ELMOD2: variants seen among roughly 807,000 people sequenced by gnomAD.
ELMOD2 encodes ELMO domain containing 2, also known as ELMO domain-containing protein 2.
A neutral mutation model predicts 41.0 loss-of-function variants in ELMOD2; 28 were observed. The ratio of observed to expected loss-of-function variants is 0.68; its 90% CI spans 0.51 to 0.94. ELMOD2 has a LOEUF of 0.94. Among genes scored for constraint, ELMOD2 ranks in the 40% least tolerant of loss-of-function variants. The probability of loss-of-function intolerance (pLI) is 0.00; values close to 1 mark genes in which losing one functional copy is unlikely to be tolerated. For missense variants in ELMOD2, 333 were observed against 343.1 expected, an observed-to-expected ratio of 0.97 and a Z score of 0.23; for synonymous variants, 106 against 107.2, an observed-to-expected ratio of 0.99 and a Z score of 0.07.
chr4:140,532,842 A>G (rs1017238726), intron 3 of ELMOD2, among the ~76,000 whole-genome samples: 1 of 152,242 alleles, frequency 6.6e-6, no homozygotes, highest in African/African-American at 2.4e-5. Context: ...TTAACAGATG[A>G]CGTACTTTGT....
chr4:140,524,455 A>C (rs1734484219), intron 1 of ELMOD2, 175 bp downstream of exon 1: 1 of 349,320 alleles, frequency 2.9e-6, no homozygotes, highest in South Asian at 1.2e-4. Flanking sequence ...GGGTCGGCGC[A>C]GAGACGCCCA....
At chr4:140,536,123 T>C (rs1378024039) in intron 4 of ELMOD2, among the ~76,000 whole-genome samples, 1 of 152,208 alleles carries the variant, frequency 6.6e-6, no homozygotes, top group Non-Finnish European at 1.5e-5. Context: ...ACTATGTCTT[T>C]TGAAATACAG....
At chr4:140,549,766 G>GC (rs1304628072) in intron 8 of ELMOD2, among the ~76,000 whole-genome samples, 1 of 122,304 alleles carries the variant, frequency 8.2e-6, no homozygotes, top group Non-Finnish European at 1.6e-5. Context: ...GCTCACTGAA[G>GC]CCCTGACCTC....
intron 3 of ELMOD2, among the ~76,000 whole-genome samples, chr4:140,530,460 GTGTT>G (rs1230933141): frequency 1.3e-5 from 2 of 152,164 alleles, no homozygotes; most frequent in Non-Finnish European, 2.9e-5. Flanking sequence ...GTAGACTAGA[GTGTT>G]TGGGGATTTT....
At chr4:140,525,373 T>C in intron 1 of ELMOD2, 47 bp from the exon 2 acceptor site, 6 of 1,554,364 alleles carry the variant, frequency 3.9e-6, no homozygotes, top group Non-Finnish European at 5.2e-6. Context: ...AATTTTAAAA[T>C]TCAGTTTAAG....
intron 8 of ELMOD2, among the ~76,000 whole-genome samples, chr4:140,549,681 C>CTTTTTTTTT (rs10538089): frequency 9.3e-5 from 4 of 42,968 alleles, no homozygotes; most frequent in African/African-American, 3.4e-4. Context: ...AGTACTACAT[C>CTTTTTTTTT]TTTTTTTTTT....
At chr4:140,545,097 T>C (rs1299988689) in intron 8 of ELMOD2, among the ~76,000 whole-genome samples, 3 of 152,180 alleles carry the variant, frequency 2.0e-5, no homozygotes, top group Admixed American at 2.0e-4. Context: ...AGTTTCTCTC[T>C]CCATGACTCT....
chr4:140,539,165 C>A (rs181770101), intron 5 of ELMOD2, among the ~76,000 whole-genome samples: 136 of 152,220 alleles, frequency 8.9e-4, no homozygotes, highest in Non-Finnish European at 1.5e-3. Flanking sequence ...GGTCCTTATT[C>A]AACAGTGCTT....
At chr4:140,528,754 T>C (rs1472694194) in intron 3 of ELMOD2, among the ~76,000 whole-genome samples, 2 of 152,174 alleles carry the variant, frequency 1.3e-5, no homozygotes, top group African/African-American at 2.4e-5. Flanking sequence ...GTTGTACTCT[T>C]TAAGAATGGT....
intron 6 of ELMOD2, among the ~76,000 whole-genome samples, chr4:140,542,135 T>C (rs973163817): frequency 1.3e-5 from 2 of 151,978 alleles, no homozygotes; most frequent in Non-Finnish European, 2.9e-5. Context: ...GCAAAAAGAT[T>C]GTTGACTCCC....
At chr4:140,525,817 G>T (rs1442772493) in intron 2 of ELMOD2, among the ~76,000 whole-genome samples, 7 of 152,148 alleles carry the variant, frequency 4.6e-5, no homozygotes, top group Non-Finnish European at 1.5e-5. Flanking sequence ...TTATTCCTTA[G>T]ATTATAGTTG....
chr4:140,532,990 A>G (rs751155766), intron 3 of ELMOD2, among the ~76,000 whole-genome samples: 2 of 152,184 alleles, frequency 1.3e-5, no homozygotes, highest in Non-Finnish European at 1.5e-5. Flanking sequence ...CCACTTACAA[A>G]AGCATCCAGA....
chr4:140,536,474 CTGGA>C (rs1369370579), intron 4 of ELMOD2, among the ~76,000 whole-genome samples: 4 of 152,174 alleles, frequency 2.6e-5, no homozygotes, highest in African/African-American at 9.7e-5. Flanking sequence ...GGTATTTACA[CTGGA>C]CCTTGATGAA....
At chr4:140,550,207 G>A (rs1169612528) in intron 8 of ELMOD2, 23 bp from the exon 9 acceptor site, 5 of 1,593,182 alleles carry the variant, frequency 3.1e-6, no homozygotes, top group Non-Finnish European at 4.3e-6. Context: ...AGGATTAAAT[G>A]TTTTGTTTTT....
chr4:140,545,387 A>G (rs1411550419), intron 8 of ELMOD2, among the ~76,000 whole-genome samples: 3 of 152,044 alleles, frequency 2.0e-5, no homozygotes, highest in Non-Finnish European at 2.9e-5. Flanking sequence ...TACTTTTCCT[A>G]AGTGGTACCA....
rs751771607 is a variant in ELMOD2, at chr4:140,540,203, C to T, written c.435C>T (p.Asn145=). 28 of 1,613,928 alleles carry T rather than the reference C, an allele frequency of 1.7e-5. No individual in the cohort carries two copies. The highest frequency in any genetic ancestry group is 1.1e-4 in the East Asian group (5 of 44,876). ...WNLLMPTKKL[N]ARISKQWAEI... ...TTCTAATGCCCACGAAGAAGTTAAA[C>T]GCTAGAATCTCCAAGCAGTGGGCTG... The change falls in exon 6 of 9, where the codon AAC becomes AAT. Residue 145 remains asparagine (N), a synonymous_variant. Transcript: ENST00000323570.
At position 140,527,510 on chromosome 4, in the gene ELMOD2, G is replaced by A; in HGVS notation, c.171+16G>A. 1 of 1,562,798 alleles carries A rather than the reference G, an allele frequency of 6.4e-7. No individual in the cohort carries two copies. The highest frequency in any genetic ancestry group is 8.6e-7 in the Non-Finnish European group (1 of 1,161,726). On this transcript the variant is annotated intron_variant, in intron 3 of 8. Transcript: ENST00000323570. ...CAAGAATAAGGTAGGATAACATAAA[G>A]GTGGTAACTCTAGAAAACTTAACGT...
rs1313435660 is a variant in ELMOD2, at chr4:140,546,885, T to A, written c.736+3299T>A. Reference sequence around the variant, plus strand: ...ACCCTTTCAGTTGCCTCCTGTCAGCTCAATCTATAAGAGCTGTAGATCATC... The same window carrying A: ...ACCCTTTCAGTTGCCTCCTGTCAGCACAATCTATAAGAGCTGTAGATCATC... On this transcript the variant is annotated intron_variant, in intron 8 of 8. Transcript: ENST00000323570. 2.0e-5 allele frequency among the ~76,000 whole-genome samples: 3 copies of A among 152,144 alleles called. No individual in the cohort carries two copies. In the South Asian group the frequency reaches 6.2e-4, roughly 31 times the overall value.
intron 3 of ELMOD2, among the ~76,000 whole-genome samples, chr4:140,534,539 A>G (rs965695154): frequency 2.0e-4 from 30 of 152,172 alleles, no homozygotes; most frequent in Non-Finnish European, 1.2e-4. Flanking sequence ...TTAAATTATA[A>G]ATCAATTTTT....
Sources: gnomAD v4.1 joint callset for allele counts (sites outside exome capture counted in the v4.1 genomes callset) on GRCh38, gnomAD v4.1.1 for gene constraint, MANE v1.5 for transcripts, NCBI Gene and HGNC (gene_info 2026-07-23, HGNC 2026-07-21) for gene names.